CDC14A: variants seen among roughly 807,000 people sequenced by gnomAD.
CDC14A encodes the protein cell division cycle 14A.
A neutral mutation model predicts 74.4 loss-of-function variants in CDC14A; 53 were observed. The ratio of observed to expected loss-of-function variants is 0.71; its 90% CI spans 0.57 to 0.89. The LOEUF (loss-of-function observed/expected upper bound fraction) is 0.89. CDC14A is among the 40% of genes least tolerant of loss of function. The probability of loss-of-function intolerance (pLI) is 0.00; values close to 1 mark genes in which losing one functional copy is unlikely to be tolerated. For synonymous variants in CDC14A, 247 were observed against 258.4 expected (o/e 0.96, Z 0.43); for missense variants, 646 against 713.7 (o/e 0.91, Z 1.08).
intron 2 of CDC14A, among the ~76,000 whole-genome samples, chr1:100,361,439 TG>T (rs2100897794): frequency 6.6e-6 from 1 of 152,310 alleles, no homozygotes; most frequent in Admixed American, 6.5e-5. Context: ...AGCTAGTTTT[TG>T]AAGGGTGTAT....
chr1:100,353,017 G>C lies in CDC14A; in HGVS notation c.49+14G>C. The C allele has an allele frequency of 6.2e-7, 1 of 1,613,706 alleles. No homozygotes were observed. Among genetic ancestry groups the C allele is most frequent in the Non-Finnish European group, 8.5e-7 (1 of 1,179,658 alleles). On this transcript the variant is annotated intron_variant, in intron 1 of 15. Coordinates refer to ENST00000336454, the MANE Select transcript of CDC14A (RefSeq NM_003672.4). ...AGTTCATGAAAGGTGAGGAGCAGCCGCCCCGCATCTTCCAACGCTTTCTTG... is the reference window on the plus strand; with the variant it reads ...AGTTCATGAAAGGTGAGGAGCAGCCCCCCCGCATCTTCCAACGCTTTCTTG...
intron 7 of CDC14A, among the ~76,000 whole-genome samples, chr1:100,450,947 A>G (rs1022705416): frequency 2.6e-5 from 4 of 152,108 alleles, no homozygotes; most frequent in Non-Finnish European, 5.9e-5. Context: ...GGTTTATTCT[A>G]TGGTCGCTCT....
intron 4 of CDC14A, among the ~76,000 whole-genome samples, chr1:100,420,999 A>G (rs767904350): frequency 1.6e-4 from 24 of 152,168 alleles, no homozygotes; most frequent in Non-Finnish European, 2.6e-4. Flanking sequence ...AAATAAAAGT[A>G]TATGTTAAAT....
chr1:100,441,716 T>G (rs1664952662), intron 6 of CDC14A, among the ~76,000 whole-genome samples: 1 of 152,092 alleles, frequency 6.6e-6, no homozygotes. Context: ...TAGGGGTTGT[T>G]TAAACCAGTG....
At chr1:100,379,313 G>A (rs1007458259) in intron 3 of CDC14A, among the ~76,000 whole-genome samples, 6 of 152,096 alleles carry the variant, frequency 3.9e-5, no homozygotes, top group South Asian at 4.2e-4. Context: ...GCTGTGTTTC[G>A]ACATTATTAA....
At chr1:100,420,023 T>C (rs79716712) in intron 4 of CDC14A, among the ~76,000 whole-genome samples, 7,357 of 71,068 alleles carry the variant, frequency 0.1, 461 homozygotes, top group African/African-American at 0.26. Context: ...CATATATATA[T>C]ACATATATAC....
chr1:100,446,377 G>A (rs935774247), intron 7 of CDC14A, among the ~76,000 whole-genome samples: 1 of 152,192 alleles, frequency 6.6e-6, no homozygotes, highest in African/African-American at 2.4e-5. Flanking sequence ...TTCTAGTGAT[G>A]AGGTCAACAG....
intron 1 of CDC14A, among the ~76,000 whole-genome samples, chr1:100,345,517 G>C (rs749345322): frequency 1.3e-5 from 2 of 152,112 alleles, no homozygotes; most frequent in Non-Finnish European, 2.9e-5. Flanking sequence ...GTTGGTGGGA[G>C]AGAGATACCT....
At position 100,439,975 on chromosome 1, in the gene CDC14A, G is replaced by A. The variant is rs759751384; in HGVS notation, c.433G>A (p.Asp145Asn). The part of the protein sequence containing the change: ...GNCTYNLTIL[D>N]CLQGIRKGLQ... ...TTGCACTTACAATCTCACCATTCTCGACTGTTTGCAGGGAATCAGAAAGGT... is the reference window on the plus strand; with the variant it reads ...TTGCACTTACAATCTCACCATTCTCAACTGTTTGCAGGGAATCAGAAAGGT... The change falls in exon 6 of 16, where the codon GAC becomes AAC. Residue 145 changes from aspartate to asparagine, a missense_variant. Physicochemically the swap from Asp to Asn is conservative, Grantham distance 23 (BLOSUM62 1). Coordinates refer to ENST00000336454, the MANE Select transcript of CDC14A (RefSeq NM_003672.4). 8.7e-6 allele frequency: 14 copies of A among 1,613,096 alleles called. No homozygotes were observed. Among genetic ancestry groups the A allele is most frequent in the African/African-American group, 4.0e-5 (3 of 74,872 alleles).
chr1:100,469,774 A>G (rs1369555151), intron 10 of CDC14A, among the ~76,000 whole-genome samples: 1 of 152,182 alleles, frequency 6.6e-6, no homozygotes, highest in East Asian at 1.9e-4. Context: ...AAGGTCACCT[A>G]GCTTTCTCAG....
chr1:100,390,608 GT>G, intron 3 of CDC14A, 123 bp from the exon 4 acceptor site: 1 of 626,766 alleles, frequency 1.6e-6, no homozygotes, highest in South Asian at 2.0e-5. Flanking sequence ...AGAAATTAAA[GT>G]TGAAAGTTGT....
intron 15 of CDC14A, among the ~76,000 whole-genome samples, chr1:100,513,584 G>A (rs1014220779): frequency 2.0e-5 from 3 of 152,070 alleles, no homozygotes; most frequent in Admixed American, 2.0e-4. Flanking sequence ...TGCTGTCAAG[G>A]ACCTTAATCT....
At position 100,508,420 on chromosome 1, in the gene CDC14A, T is replaced by C. The variant is rs1228383761; in HGVS notation, c.1755+9158T>C. Reference sequence around the variant, plus strand: ...TGGTTGCATACTTCGTCAGTTCTCATAATGTTCATTTGCCTTGTGTGTTAG... The same window carrying C: ...TGGTTGCATACTTCGTCAGTTCTCACAATGTTCATTTGCCTTGTGTGTTAG... On this transcript the variant is annotated intron_variant, in intron 15 of 15. Coordinates refer to ENST00000336454, the MANE Select transcript of CDC14A (RefSeq NM_003672.4). The surrounding 1 kb of genome is among the most constrained non-coding windows in gnomAD (Gnocchi z 4.4). Among the ~76,000 whole-genome samples, 1 of 152,196 alleles carries C rather than the reference T, an allele frequency of 6.6e-6. No individual in the cohort carries two copies. The highest frequency in any genetic ancestry group is 2.4e-5 in the African/African-American group (1 of 41,452).
chr1:100,459,151 A>T (rs1667074773), intron 8 of CDC14A, among the ~76,000 whole-genome samples: 1 of 151,848 alleles, frequency 6.6e-6, no homozygotes, highest in Admixed American at 6.6e-5. Context: ...AGAGAAAGAT[A>T]GCTTCAGACT....
intron 4 of CDC14A, among the ~76,000 whole-genome samples, chr1:100,411,459 G>T (rs1660703990): frequency 6.6e-6 from 1 of 151,890 alleles, no homozygotes; most frequent in Non-Finnish European, 1.5e-5. Flanking sequence ...TCTCCTATTG[G>T]TTTGTTTTTC....
At position 100,508,085 on chromosome 1, in the gene CDC14A, T is replaced by C. The variant is rs1649394733; in HGVS notation, c.1755+8823T>C. ...AAGCTCTAGCTGTATTCTGATTGAA[T>C]TCCTCCTATTATTTTCAATTCGTGA... On this transcript the variant is annotated intron_variant, in intron 15 of 15. Transcript: ENST00000336454. This position sits in a 1 kb window ranked among gnomAD's most constrained non-coding sequence, Gnocchi z 4.4. 6.6e-6 allele frequency among the ~76,000 whole-genome samples: 1 copy of C among 152,186 alleles called. No individual in the cohort carries two copies. The highest frequency in any genetic ancestry group is 1.5e-5 in the Non-Finnish European group (1 of 68,020).
intron 15 of CDC14A, among the ~76,000 whole-genome samples, chr1:100,516,646 A>G (rs536388520): frequency 9.2e-5 from 14 of 152,260 alleles, no homozygotes; most frequent in African/African-American, 2.6e-4. Flanking sequence ...TGCCAGACTT[A>G]GAAGAAACCG....
chr1:100,488,028 T>C (rs923064635), intron 11 of CDC14A, among the ~76,000 whole-genome samples: 1 of 152,152 alleles, frequency 6.6e-6, no homozygotes, highest in African/African-American at 2.4e-5. Context: ...GACAGAGACA[T>C]GAAATTGGTA....
At chr1:100,365,433 T>C (rs985811724) in intron 2 of CDC14A, among the ~76,000 whole-genome samples, 1 of 152,228 alleles carries the variant, frequency 6.6e-6, no homozygotes, top group Middle Eastern at 3.2e-3. Flanking sequence ...AGAGTCTATA[T>C]AGCGGCTAGA....
Sources: gnomAD v4.1 joint callset for allele counts (sites outside exome capture counted in the v4.1 genomes callset) on GRCh38, gnomAD v4.1.1 for gene constraint, Gnocchi (gnomAD v3.1) non-coding constraint, MANE v1.5 for transcripts, NCBI Gene and HGNC (gene_info 2026-07-23, HGNC 2026-07-21) for gene names.